Variants in PCDHA12 observed in about 807,000 individuals in gnomAD.
PCDHA12 encodes protocadherin alpha-12.
Under a neutral mutation model 60.0 loss-of-function variants are expected in PCDHA12, and 44 were observed. The ratio of observed to expected loss-of-function variants is 0.73; its 90% CI spans 0.58 to 0.94. The LOEUF (loss-of-function observed/expected upper bound fraction) is 0.94. Among genes scored for constraint, PCDHA12 ranks in the 40% least tolerant of loss-of-function variants. The pLI is 0.00. For synonymous variants in PCDHA12, 569 were observed against 553.0 expected (o/e 1.03, Z -0.40); for missense variants, 1,276 against 1,239.7 (o/e 1.03, Z -0.44).
chr5:140,926,526 C>G (rs2083305621), intron 1 of PCDHA12: 1 of 209,510 alleles, frequency 4.8e-6, no homozygotes, highest in Non-Finnish European at 9.3e-6. Flanking sequence ...GCCCTGCGCC[C>G]GCAGCCAGCG....
intron 1 of PCDHA12, among the ~76,000 whole-genome samples, chr5:140,937,911 CA>C (rs200797202): frequency 0.5 from 59,181 of 117,836 alleles, 12,230 homozygotes; most frequent in African/African-American, 0.63. Flanking sequence ...GACTCCGTCT[CA>C]AAAAAAAAAA....
chr5:140,920,204 G>A (rs185996994), intron 1 of PCDHA12, among the ~76,000 whole-genome samples: 3 of 152,222 alleles, frequency 2.0e-5, no homozygotes, highest in Admixed American at 1.3e-4. Context: ...AGCAGCCACA[G>A]AAAACCAATG....
chr5:140,952,301 T>G (rs246036), intron 1 of PCDHA12, among the ~76,000 whole-genome samples: 84,430 of 149,404 alleles, frequency 0.57, 24,448 homozygotes, highest in African/African-American at 0.7. Flanking sequence ...CACAGCCATT[T>G]CACTCCAGCC....
At chr5:140,975,899 G>A (rs2096688066) in intron 1 of PCDHA12, among the ~76,000 whole-genome samples, 1 of 152,084 alleles carries the variant, frequency 6.6e-6, no homozygotes, top group African/African-American at 2.4e-5. Context: ...ATGGAGTTTT[G>A]TGACCATTAT....
At chr5:140,971,642 A>T (rs1586490477) in intron 1 of PCDHA12, among the ~76,000 whole-genome samples, 1 of 152,330 alleles carries the variant, frequency 6.6e-6, no homozygotes. Context: ...ATGTGCCTAC[A>T]TTAAAAGTAG....
chr5:140,995,334 T>C (rs2097677447), intron 3 of PCDHA12, among the ~76,000 whole-genome samples: 1 of 152,184 alleles, frequency 6.6e-6, no homozygotes, highest in Non-Finnish European at 1.5e-5. Context: ...GTGAGTAGTG[T>C]AGACGGCATG....
chr5:140,998,070 G>T (rs2097795700), intron 3 of PCDHA12, among the ~76,000 whole-genome samples: 1 of 152,050 alleles, frequency 6.6e-6, no homozygotes, highest in Admixed American at 6.6e-5. Context: ...AACAGACTTA[G>T]CCTCTGCAGT....
chr5:140,896,390 C>A, intron 1 of PCDHA12, among the ~76,000 whole-genome samples: 1 of 152,124 alleles, frequency 6.6e-6, no homozygotes, highest in Non-Finnish European at 1.5e-5. Flanking sequence ...ACCTCACCAG[C>A]ATCTGTTATT....
intron 1 of PCDHA12, chr5:140,883,182 A>G (rs2059477264): frequency 6.2e-7 from 1 of 1,614,024 alleles, no homozygotes; most frequent in Non-Finnish European, 8.5e-7. Context: ...ATTAGGACAA[A>G]AGGCAAACTA....
intron 1 of PCDHA12, among the ~76,000 whole-genome samples, chr5:140,974,406 T>C (rs903349256): frequency 3.9e-5 from 6 of 152,226 alleles, no homozygotes; most frequent in Non-Finnish European, 8.8e-5. Flanking sequence ...GTTCTAAAGT[T>C]ATGTTTATTT....
At chr5:140,929,191 A>G in intron 1 of PCDHA12, 1 of 1,614,118 alleles carries the variant, frequency 6.2e-7, no homozygotes, top group Non-Finnish European at 8.5e-7. Flanking sequence ...TTCTGATAAT[A>G]ACAGTTTGCT....
rs10076265 is a variant in PCDHA12 at position 140,884,506 on chromosome 5, G to A, written c.2367+6667G>A. 61 of 1,614,172 alleles carry A rather than the reference G, an allele frequency of 3.8e-5. No homozygotes were observed. In the South Asian group the frequency reaches 5.9e-4, roughly 16 times the overall value. ...CTCTAGTGTGCTCCAGCGCGGCAGG[G>A]AGTTGGTCGTACTCGCAGCAGAGGC... On this transcript the variant is annotated intron_variant, in intron 1 of 3. Transcript: ENST00000398631.
Position 140,876,553 on chromosome 5 carries a change from G to A in PCDHA12, c.1081G>A (p.Glu361Lys). The A allele has an allele frequency of 1.2e-6, 2 of 1,614,216 alleles. No individual in the cohort carries two copies. The highest frequency in any genetic ancestry group is 2.7e-5 in the African/African-American group (2 of 75,068). ...TACTTCACTGTCGCTCCCTGTGCAAGAGGATGCTCAGGTGGGTACCGTCAT... is the reference window on the plus strand; with the variant it reads ...TACTTCACTGTCGCTCCCTGTGCAAAAGGATGCTCAGGTGGGTACCGTCAT... ...MVTSLSLPVQ[E>K]DAQVGTVIAL... Residue 361 changes from glutamate (E) to lysine (K), a missense_variant, in exon 1 of 4, where the codon GAG becomes AAG. By Grantham distance (56) the Glu-to-Lys change is moderately conservative. Transcript: ENST00000398631.
chr5:140,944,623 T>A (rs535315515), intron 1 of PCDHA12, among the ~76,000 whole-genome samples: 62 of 152,320 alleles, frequency 4.1e-4, no homozygotes, highest in Non-Finnish European at 7.3e-4. Context: ...AGAAGTATAG[T>A]GTTGTAAGCC....
intron 1 of PCDHA12, among the ~76,000 whole-genome samples, chr5:140,960,335 G>T (rs1362472967): frequency 1.3e-5 from 2 of 152,148 alleles, no homozygotes; most frequent in African/African-American, 4.8e-5. Context: ...AGAAGTACAT[G>T]AGGTGAGATA....
intron 1 of PCDHA12, chr5:140,884,468 C>T (rs925441051): frequency 2.5e-6 from 4 of 1,613,762 alleles, no homozygotes; most frequent in Non-Finnish European, 3.4e-6. Flanking sequence ...CGCGTGCGCG[C>T]CGGGCAAGCC....
At chr5:140,911,564 C>A (rs1036102678) in intron 1 of PCDHA12, among the ~76,000 whole-genome samples, 2 of 152,226 alleles carry the variant, frequency 1.3e-5, no homozygotes, top group African/African-American at 4.8e-5. Flanking sequence ...TCTTTCATCA[C>A]TTTGTCCAGT....
Position 140,876,618 on chromosome 5 carries a change from T to C in PCDHA12, c.1146T>C (p.Asn382=), listed in dbSNP as rs781928314. 7 of 1,614,074 alleles carry C rather than the reference T, an allele frequency of 4.3e-6. No individual in the cohort carries two copies. Among genetic ancestry groups the C allele is most frequent in the African/African-American group, 1.3e-5 (1 of 74,930 alleles). The change falls in exon 1 of 4, where the codon AAT becomes AAC. Residue 382 remains asparagine, a synonymous_variant. Transcript: ENST00000398631. ...TGTCGGATCGTGACTCTGGAGCCAA[T>C]GGACAGGTCATCTGCTCACTGACAC... The part of the protein sequence containing the change: ...ISVSDRDSGA[N]GQVICSLTPH...
intron 1 of PCDHA12, among the ~76,000 whole-genome samples, chr5:140,965,185 C>T (rs1348990210): frequency 6.6e-6 from 1 of 152,138 alleles, no homozygotes; most frequent in Non-Finnish European, 1.5e-5. Flanking sequence ...TTTTTTTGCA[C>T]ATGAGGCAAT....
Sources: allele counts gnomAD v4.1 joint callset (sites outside exome capture counted in the v4.1 genomes callset), GRCh38; gene constraint gnomAD v4.1.1; transcripts MANE v1.5; gene names NCBI Gene and HGNC (gene_info 2026-07-23, HGNC 2026-07-21).